LARP1: variants seen among roughly 807,000 people sequenced by gnomAD.
LARP1 encodes the protein La ribonucleoprotein 1, translational regulator, also known as la-related protein 1.
LARP1 carries 36 observed loss-of-function variants against 122.7 expected under a neutral mutation model. That is an observed-to-expected ratio of 0.29 (90% CI 0.22 to 0.39). The LOEUF is 0.39. Ranked by LOEUF, LARP1 falls within the 10% of genes least tolerant of loss-of-function variation. The probability of loss-of-function intolerance (pLI) is 1.00; values close to 1 mark genes in which losing one functional copy is unlikely to be tolerated. For missense variants in LARP1, 1,040 were observed against 1,403.6 expected (o/e 0.74, Z 4.14); for synonymous variants, 539 against 528.7 (o/e 1.02, Z -0.27).
At chr5:154,691,810 T>C (rs1754230513) in intron 1 of LARP1, among the ~76,000 whole-genome samples, 1 of 150,978 alleles carries the variant, frequency 6.6e-6, no homozygotes, top group Non-Finnish European at 1.5e-5. Context: ...TCTTTTTTTT[T>C]TTTCTTTTTC....
chr5:154,729,397 T>A (rs970568315), intron 1 of LARP1: 3 of 330,472 alleles, frequency 9.1e-6, no homozygotes, highest in African/African-American at 6.6e-5. Flanking sequence ...AATGTTACCA[T>A]GGCAAAACTG....
At chr5:154,689,096 A>T (rs1468916240) in intron 1 of LARP1, among the ~76,000 whole-genome samples, 3 of 152,074 alleles carry the variant, frequency 2.0e-5, no homozygotes, top group Non-Finnish European at 4.4e-5. Context: ...AGGTGGGTGG[A>T]TCACCTGAGG....
intron 1 of LARP1, among the ~76,000 whole-genome samples, chr5:154,732,415 A>G (rs773430211): frequency 4.6e-5 from 7 of 152,186 alleles, no homozygotes; most frequent in African/African-American, 1.2e-4. Context: ...TAATAACCAG[A>G]ATAGCAAATA....
At chr5:154,742,517 C>G (rs1203353973) in intron 1 of LARP1, among the ~76,000 whole-genome samples, 1 of 152,042 alleles carries the variant, frequency 6.6e-6, no homozygotes, top group Admixed American at 6.6e-5. Context: ...CATGATCATG[C>G]CACTGCACTG....
At chr5:154,748,154 A>G (rs1029781329) in intron 1 of LARP1, among the ~76,000 whole-genome samples, 16 of 152,226 alleles carry the variant, frequency 1.1e-4, no homozygotes, top group Non-Finnish European at 2.1e-4. Flanking sequence ...TCAGCCTAAA[A>G]AAATTTTCCA....
intron 1 of LARP1, among the ~76,000 whole-genome samples, chr5:154,774,336 G>A (rs559890098): frequency 2.6e-5 from 4 of 152,198 alleles, no homozygotes; most frequent in African/African-American, 7.2e-5. Context: ...TGTTTGCACT[G>A]CAGGGAGTAG....
chr5:154,769,183 T>C (rs1288160455), intron 1 of LARP1, among the ~76,000 whole-genome samples: 2 of 152,206 alleles, frequency 1.3e-5, no homozygotes, highest in African/African-American at 2.4e-5. Context: ...ATGTAAATTA[T>C]GTGAATAAAG....
chr5:154,811,476 C>T, intron 17 of LARP1, 37 bp from the exon 18 acceptor site: 5 of 1,614,012 alleles, frequency 3.1e-6, no homozygotes, highest in Non-Finnish European at 4.2e-6. Flanking sequence ...GCTTCTTTAT[C>T]CTCACCAGCT....
intron 1 of LARP1, among the ~76,000 whole-genome samples, chr5:154,767,105 A>G (rs796969815): frequency 1.3e-5 from 2 of 152,174 alleles, no homozygotes; most frequent in Admixed American, 1.3e-4. Flanking sequence ...GTAGTTGAGC[A>G]TGAACTTGGG....
At position 154,803,234 on chromosome 5, in the gene LARP1, G is replaced by A; in HGVS notation, c.2110-56G>A. 6.2e-7 allele frequency: 1 copy of A among 1,612,688 alleles called. No individual in the cohort carries two copies. Among genetic ancestry groups the A allele is most frequent in the Non-Finnish European group, 8.5e-7 (1 of 1,178,818 alleles). The stretch of plus-strand genomic sequence containing the variant: ...CCTGCCAGTCTTGATTCCTTAAACA[G>A]GCTAGAGCAGCCTGCTTACTTACAT... On this transcript the variant is annotated intron_variant, in intron 11 of 18. Coordinates refer to ENST00000518297, the MANE Select transcript of LARP1 (RefSeq NM_033551.3). This position sits in a 1 kb window ranked among gnomAD's most constrained non-coding sequence, Gnocchi z 4.4.
chr5:154,770,852 C>G (rs1746139206), intron 1 of LARP1, among the ~76,000 whole-genome samples: 3 of 151,984 alleles, frequency 2.0e-5, no homozygotes, highest in South Asian at 2.1e-4. Context: ...GTGGCTCATG[C>G]CTGTAATCCC....
chr5:154,706,836 A>T (rs913920262), intron 1 of LARP1, among the ~76,000 whole-genome samples: 11 of 152,150 alleles, frequency 7.2e-5, no homozygotes, highest in Middle Eastern at 3.2e-3. Context: ...GCAATTTTAT[A>T]ACTGCGACAA....
At chr5:154,691,317 G>C (rs942576604) in intron 1 of LARP1, among the ~76,000 whole-genome samples, 1 of 151,516 alleles carries the variant, frequency 6.6e-6, no homozygotes, top group African/African-American at 2.4e-5. Context: ...TACAGCCCGA[G>C]TTCTAGTCCT....
At chr5:154,761,592 A>G (rs1315386762) in intron 1 of LARP1, among the ~76,000 whole-genome samples, 1 of 152,166 alleles carries the variant, frequency 6.6e-6, no homozygotes, top group Non-Finnish European at 1.5e-5. Context: ...TGTTGGGGCC[A>G]CTGGAGGTTC....
chr5:154,782,037 C>T (rs1420387092), intron 1 of LARP1, among the ~76,000 whole-genome samples: 1 of 152,096 alleles, frequency 6.6e-6, no homozygotes, highest in South Asian at 2.1e-4. Context: ...CAGGAAGCCT[C>T]CTGAGGAGAA....
chr5:154,686,472 C>T (rs1170601603), intron 1 of LARP1, among the ~76,000 whole-genome samples: 1 of 152,128 alleles, frequency 6.6e-6, no homozygotes, highest in Non-Finnish European at 1.5e-5. Context: ...GCAGAGTGGC[C>T]AAATATGTTT....
intron 18 of LARP1, among the ~76,000 whole-genome samples, chr5:154,813,150 C>G (rs1052451900): frequency 6.6e-6 from 1 of 152,174 alleles, no homozygotes; most frequent in African/African-American, 2.4e-5. Flanking sequence ...CAGAGCCACT[C>G]AGGTCTCTCA....
intron 1 of LARP1, among the ~76,000 whole-genome samples, chr5:154,740,861 A>G (rs1752841751): frequency 6.6e-6 from 1 of 152,202 alleles, no homozygotes; most frequent in Admixed American, 6.5e-5. Flanking sequence ...TTTAATCCAG[A>G]AATGAGGGGA....
intron 14 of LARP1, among the ~76,000 whole-genome samples, chr5:154,805,456 A>G (rs1303147882): frequency 6.6e-6 from 1 of 152,180 alleles, no homozygotes; most frequent in Non-Finnish European, 1.5e-5. Flanking sequence ...GCAAAGGTGG[A>G]AGAAATCTGC....
Sources: allele counts gnomAD v4.1 joint callset (sites outside exome capture counted in the v4.1 genomes callset), GRCh38; gene constraint gnomAD v4.1.1; non-coding constraint Gnocchi (gnomAD v3.1); transcripts MANE v1.5; gene names NCBI Gene and HGNC (gene_info 2026-07-23, HGNC 2026-07-21).